Variants in GDF1 observed in about 807,000 individuals in gnomAD.
The protein encoded by GDF1 is embryonic growth/differentiation factor 1.
A neutral mutation model predicts 7.4 loss-of-function variants in GDF1; 8 were observed. The observed-to-expected ratio is 1.09, with a 90% CI of 0.64 to 1.96. GDF1 has a LOEUF of 1.96. Ranked by LOEUF, GDF1 falls within the 30% of genes most tolerant of loss-of-function variation. GDF1 has a pLI of 0.00. For missense variants in GDF1, 574 were observed against 551.5 expected (o/e 1.04, Z -0.41); for synonymous variants, 311 against 276.7 (o/e 1.12, Z -1.23).
At chr19:18,888,026 G>C (rs975720288) in intron 2 of GDF1, among the ~76,000 whole-genome samples, 3 of 152,052 alleles carry the variant, frequency 2.0e-5, no homozygotes, top group Non-Finnish European at 4.4e-5. Flanking sequence ...TTTGTGATTG[G>C]CTAAAATGCC....
At chr19:18,872,125 G>A (rs910174018) in intron 6 of GDF1, among the ~76,000 whole-genome samples, 1 of 152,240 alleles carries the variant, frequency 6.6e-6, no homozygotes, top group Non-Finnish European at 1.5e-5. Context: ...CCCACAGAGA[G>A]TATAGATTCC....
chr19:18,875,594 A>G (rs1229883468), intron 6 of GDF1, among the ~76,000 whole-genome samples: 3 of 151,736 alleles, frequency 2.0e-5, no homozygotes, highest in Non-Finnish European at 4.4e-5. Flanking sequence ...ACGGTAATCC[A>G]CCTGGAATCC....
Position 18,884,268 on chromosome 19 carries a change from C to T in GDF1, c.-913-1G>A, listed in dbSNP as rs1386496720. 8.1e-6 allele frequency: 13 copies of T among 1,609,300 alleles called. No individual in the cohort carries two copies. The highest frequency in any genetic ancestry group is 1.1e-5 in the Non-Finnish European group (13 of 1,178,342). On this transcript the variant is annotated splice_acceptor_variant, in intron 2 of 7. Coordinates refer to ENST00000247005, the MANE Select transcript of GDF1 (RefSeq NM_001492.6). LOFTEE classifies it low-confidence loss of function (5UTR_SPLICE). ...GGCACTGCCATGCCCGGCGTCCAGTCTGGGGAGAGCCAAATCTCACAGTCA... is the reference window on the plus strand; with the variant it reads ...GGCACTGCCATGCCCGGCGTCCAGTTTGGGGAGAGCCAAATCTCACAGTCA...
At chr19:18,877,756 CAAAAA>C (rs386388683) in intron 6 of GDF1, among the ~76,000 whole-genome samples, 1 of 103,990 alleles carries the variant, frequency 9.6e-6, no homozygotes, top group African/African-American at 3.9e-5. Flanking sequence ...GACCCTGTCT[CAAAAA>C]AAAAAAAAAA....
intron 2 of GDF1, among the ~76,000 whole-genome samples, chr19:18,891,605 T>C (rs1462700821): frequency 6.6e-6 from 1 of 151,868 alleles, no homozygotes; most frequent in Admixed American, 6.6e-5. Flanking sequence ...CCAGGCAGGG[T>C]CTCGCTCTGT....
intron 2 of GDF1, among the ~76,000 whole-genome samples, chr19:18,893,046 A>G (rs988056159): frequency 2.0e-5 from 3 of 151,368 alleles, no homozygotes; most frequent in African/African-American, 7.3e-5. Context: ...CCTCCCGAGT[A>G]GCTGGGATTA....
In GDF1 at chr19:18,868,752, C is replaced by T. The variant is rs2055901062; in HGVS notation, c.964G>A (p.Ala322Thr). ...CCCGGGGCGGCCGCGTGCATGAGCG[C>T]GCGCAGCACAGCGTGGTTGAGCGCC... ...PPALNHAVLR[A>T]LMHAAAPGAA... The change falls in exon 8 of 8, where the codon GCG becomes ACG. Residue 322 changes from alanine to threonine, a missense_variant. Transcript: ENST00000247005. 2 of 1,518,634 alleles carry T rather than the reference C, an allele frequency of 1.3e-6. No homozygotes were observed. The highest frequency in any genetic ancestry group is 1.8e-6 in the Non-Finnish European group (2 of 1,128,378). The allele number at this position is 1,518,634 out of a possible 1,614,324, so 94.1% of individuals were successfully genotyped here. A position where few individuals can be genotyped will look rare whatever the true frequency, so the allele number is the denominator to read the frequency against.
chr19:18,872,714 C>A (rs1225074834), intron 6 of GDF1, among the ~76,000 whole-genome samples: 1 of 62,776 alleles, frequency 1.6e-5, no homozygotes, highest in Non-Finnish European at 3.5e-5. Context: ...TGCGGTTTTA[C>A]CATGTTGGCC....
At chr19:18,888,541 A>C (rs2056416931) in intron 2 of GDF1, among the ~76,000 whole-genome samples, 1 of 146,752 alleles carries the variant, frequency 6.8e-6, no homozygotes, top group South Asian at 2.2e-4. Context: ...AAAAAAAAAA[A>C]AAAAACAGGC....
intron 4 of GDF1, among the ~76,000 whole-genome samples, 184 bp downstream of exon 4, chr19:18,880,090 A>G (rs1279055867): frequency 2.9e-5 from 4 of 136,812 alleles, no homozygotes; most frequent in African/African-American, 8.4e-5. Context: ...CCCTTGTCCT[A>G]CTCCTTTCCT....
chr19:18,885,512 T>TTTTTG (rs2056328487), intron 2 of GDF1, among the ~76,000 whole-genome samples: 1 of 22,114 alleles, frequency 4.5e-5, no homozygotes, highest in Admixed American at 5.8e-4. Flanking sequence ...CCCCTTCTCG[T>TTTTTG]TTTTTTTTTT....
rs1441424796 is a variant in GDF1 at position 18,870,301 on chromosome 19, G to GTGGCATCT, written c.-2_6dup (p.Pro3ArgfsTer27). 198 of 1,546,230 alleles carry GTGGCATCT rather than the reference G, an allele frequency of 1.3e-4. No homozygotes were observed. The highest frequency in any genetic ancestry group is 1.7e-4 in the Non-Finnish European group (191 of 1,146,884). On this transcript the variant is annotated frameshift_variant, in exon 7 of 8. Transcript: ENST00000247005. LOFTEE classifies it high-confidence loss of function. The surrounding 1 kb of genome is among the most constrained non-coding windows in gnomAD (Gnocchi z 5.1). Reference sequence around the variant, plus strand: ...TGGCCGCAGGGACCTTGCTGCGGCGGTGGCATCTTCCTCCCAGGCGATGAC... The same window carrying GTGGCATCT: ...TGGCCGCAGGGACCTTGCTGCGGCGGTGGCATCTTGGCATCTTCCTCCCAGGCGATGAC...
chr19:18,875,813 G>A (rs546615512), intron 6 of GDF1, among the ~76,000 whole-genome samples: 16 of 152,292 alleles, frequency 1.1e-4, no homozygotes, highest in African/African-American at 3.9e-4. Flanking sequence ...GCCCTGGGAA[G>A]ACGGAGACTG....
chr19:18,891,935 C>T, intron 2 of GDF1, among the ~76,000 whole-genome samples: 1 of 151,320 alleles, frequency 6.6e-6, no homozygotes, highest in South Asian at 2.1e-4. Flanking sequence ...GCTCTGTCAC[C>T]CAGGCTGGAG....
At chr19:18,887,384 G>T (rs749689255) in intron 2 of GDF1, among the ~76,000 whole-genome samples, 2 of 152,144 alleles carry the variant, frequency 1.3e-5, no homozygotes, top group Non-Finnish European at 2.9e-5. Flanking sequence ...AATGGGACGG[G>T]GTTTCCTTTT....
At chr19:18,890,888 C>T (rs973011798) in intron 2 of GDF1, among the ~76,000 whole-genome samples, 2 of 151,280 alleles carry the variant, frequency 1.3e-5, no homozygotes, top group East Asian at 1.9e-4. Context: ...CTTTGGGAGG[C>T]TGAGGCGGGC....
chr19:18,892,466 T>C (rs2056514152), intron 2 of GDF1, among the ~76,000 whole-genome samples: 1 of 151,718 alleles, frequency 6.6e-6, no homozygotes, highest in African/African-American at 2.4e-5. Context: ...TACAAAAAAT[T>C]AGCCGGGCGT....
rs1313416968 is a variant in GDF1 at position 18,879,275 on chromosome 19, A to C, written c.-457T>G. On this transcript the variant is annotated 5_prime_UTR_variant, in exon 5 of 8. Coordinates refer to ENST00000247005, the MANE Select transcript of GDF1 (RefSeq NM_001492.6). The stretch of plus-strand genomic sequence containing the variant: ...GTAGAGGTTCATAAGGGTGAGCAGC[A>C]GCAGGAGCGCATTGAAGAAGAAGTA... The C allele has an allele frequency of 6.2e-7, 1 of 1,613,502 alleles. No homozygotes were observed. The highest frequency in any genetic ancestry group is 1.3e-5 in the African/African-American group (1 of 74,898).
Position 18,873,252 on chromosome 19 carries a change from G to A in GDF1, c.-312-2633C>T, listed in dbSNP as rs147030785. ...AGAAGATGCTGGAAATGTCAAACAC[G>A]GGAGATGGAGAATGGCACTCAGGGG... On this transcript the variant is annotated intron_variant, in intron 6 of 7. Transcript: ENST00000247005. Among the ~76,000 whole-genome samples the A allele has an allele frequency of 4.1e-4, 63 of 152,244 alleles. No homozygotes were observed. In the East Asian group the frequency reaches 0.01, roughly 25 times the overall value.
Sources: gnomAD v4.1 joint callset for allele counts (sites outside exome capture counted in the v4.1 genomes callset) on GRCh38, gnomAD v4.1.1 for gene constraint, Gnocchi (gnomAD v3.1) non-coding constraint, MANE v1.5 for transcripts, NCBI Gene and HGNC (gene_info 2026-07-23, HGNC 2026-07-21) for gene names.